The following PARD3 variants were observed in gnomAD, a reference collection of about 807,000 sequenced individuals.
The protein encoded by PARD3 is par-3 family cell polarity regulator.
A neutral mutation model predicts 155.4 loss-of-function variants in PARD3; 75 were observed. That is an observed-to-expected ratio of 0.48 (90% CI 0.40 to 0.58). PARD3 has a LOEUF of 0.58. PARD3 is among the 20% of genes least tolerant of loss of function. The pLI is 0.00. For missense variants in PARD3, 1,642 were observed against 1,721.7 expected (o/e 0.95, Z 0.82); for synonymous variants, 576 against 610.5 (o/e 0.94, Z 0.83).
intron 15 of PARD3, chr10:34,345,248 C>T: frequency 1.0e-6 from 1 of 985,320 alleles, no homozygotes; most frequent in Non-Finnish European, 1.2e-6. Flanking sequence ...CCTTTCAACT[C>T]TAAAGGCTCT....
chr10:34,664,666 A>C (rs899884611), intron 2 of PARD3, among the ~76,000 whole-genome samples: 2 of 151,966 alleles, frequency 1.3e-5, no homozygotes, highest in Admixed American at 6.6e-5. Flanking sequence ...TTGTATTTTT[A>C]GTAGAGACAG....
intron 3 of PARD3, among the ~76,000 whole-genome samples, chr10:34,493,800 A>G (rs1243017773): frequency 6.6e-6 from 1 of 152,168 alleles, no homozygotes; most frequent in Non-Finnish European, 1.5e-5. Context: ...ATATTAAAAC[A>G]AAGATAATAC....
intron 22 of PARD3, among the ~76,000 whole-genome samples, chr10:34,159,147 T>C (rs921055656): frequency 2.6e-5 from 4 of 152,240 alleles, no homozygotes; most frequent in African/African-American, 9.6e-5. Context: ...CAGTTGCATA[T>C]TCTTTTAACT....
intron 24 of PARD3, among the ~76,000 whole-genome samples, chr10:34,119,317 C>A (rs1189371870): frequency 6.6e-6 from 1 of 152,164 alleles, no homozygotes; most frequent in African/African-American, 2.4e-5. Flanking sequence ...CTGTCTTGTC[C>A]ACACAGGAAG....
At chr10:34,265,261 G>A (rs1258941553) in intron 22 of PARD3, among the ~76,000 whole-genome samples, 1 of 152,188 alleles carries the variant, frequency 6.6e-6, no homozygotes, top group Non-Finnish European at 1.5e-5. Context: ...GACATGGCAT[G>A]ATGCTATCTT....
At position 34,776,244 on chromosome 10, in the gene PARD3, C is replaced by A. The variant is rs139647023; in HGVS notation, c.120+38632G>T. On this transcript the variant is annotated intron_variant, in intron 1 of 24. Coordinates refer to ENST00000374788, the MANE Select transcript of PARD3 (RefSeq NM_001184785.2). ...ACAAGAAGACAAGGGAACAATAAAC[C>A]CAGCAGGACACCATCTCTAAGCTCT... Among the ~76,000 whole-genome samples the A allele has an allele frequency of 2.9e-3, 447 of 152,216 alleles. 1 individual carries two copies. Among genetic ancestry groups the A allele is most frequent in the African/African-American group, 0.01 (425 of 41,542 alleles).
intron 1 of PARD3, among the ~76,000 whole-genome samples, chr10:34,726,956 G>A (rs953087860): frequency 4.6e-5 from 7 of 152,108 alleles, no homozygotes; most frequent in African/African-American, 1.2e-4. Context: ...TCCAGTCTTT[G>A]CTTTGCCAAT....
intron 9 of PARD3, 46 bp from the exon 10 acceptor site, chr10:34,378,152 G>C: frequency 7.0e-7 from 1 of 1,438,616 alleles, no homozygotes; most frequent in East Asian, 2.6e-5. Flanking sequence ...GAGATATCTT[G>C]AATTTTACAG....
intron 22 of PARD3, among the ~76,000 whole-genome samples, chr10:34,198,516 C>T (rs1217935444): frequency 1.1e-4 from 17 of 150,742 alleles, no homozygotes; most frequent in Admixed American, 4.6e-4. Context: ...GAAGAGATAA[C>T]TGGAAGGATG....
At chr10:34,390,097 T>G (rs1251231219) in intron 7 of PARD3, among the ~76,000 whole-genome samples, 1 of 152,102 alleles carries the variant, frequency 6.6e-6, no homozygotes, top group African/African-American at 2.4e-5. Context: ...GCAAATAAAG[T>G]TAAATTGCGT....
intron 2 of PARD3, among the ~76,000 whole-genome samples, chr10:34,519,850 CA>C (rs2082024754): frequency 1.3e-5 from 2 of 151,012 alleles, no homozygotes; most frequent in African/African-American, 2.4e-5. Flanking sequence ...CATAACATAA[CA>C]TAACATAACA....
intron 19 of PARD3, among the ~76,000 whole-genome samples, chr10:34,320,352 T>G (rs1958297610): frequency 6.6e-6 from 1 of 152,230 alleles, no homozygotes; most frequent in Non-Finnish European, 1.5e-5. Context: ...TTATTGTTAG[T>G]GCTGTATGCA....
At chr10:34,579,143 G>A (rs1053466218) in intron 2 of PARD3, among the ~76,000 whole-genome samples, 1 of 151,940 alleles carries the variant, frequency 6.6e-6, no homozygotes, top group Non-Finnish European at 1.5e-5. Flanking sequence ...GGTGGCGTGC[G>A]CCTGTAATCC....
intron 2 of PARD3, chr10:34,676,084 C>G (rs2093700164): frequency 6.6e-6 from 1 of 152,648 alleles, no homozygotes. Flanking sequence ...ATCTTGAACG[C>G]ACCCAAGCCT....
At chr10:34,534,108 A>C (rs2083052169) in intron 2 of PARD3, among the ~76,000 whole-genome samples, 2 of 151,910 alleles carry the variant, frequency 1.3e-5, no homozygotes, top group African/African-American at 4.8e-5. Flanking sequence ...AAGACCCAGA[A>C]GGAAAAAATT....
At chr10:34,495,350 A>T (rs1162053231) in intron 3 of PARD3, among the ~76,000 whole-genome samples, 1 of 152,142 alleles carries the variant, frequency 6.6e-6, no homozygotes. Flanking sequence ...TTCTGTAAGA[A>T]GTTCATCAGA....
chr10:34,626,170 T>C lies in PARD3; in HGVS notation c.222+70148A>G, dbSNP rs192500458. Among the ~76,000 whole-genome samples, 8 of 152,268 alleles carry C rather than the reference T, an allele frequency of 5.3e-5. No homozygotes were observed. In the East Asian group the frequency reaches 1.4e-3, roughly 26 times the overall value. The stretch of plus-strand genomic sequence containing the variant: ...AAAGGAGGACCTGTAAACATTGGAA[T>C]TACATTCAATGCAGCAAGATGCTGA... On this transcript the variant is annotated intron_variant, in intron 2 of 24. Transcript: ENST00000374788.
chr10:34,576,309 C>T (rs1348950516), intron 2 of PARD3, among the ~76,000 whole-genome samples: 1 of 152,220 alleles, frequency 6.6e-6, no homozygotes, highest in East Asian at 1.9e-4. Context: ...GCCATCCCGA[C>T]CTTCCAGAGG....
chr10:34,636,051 GAAGA>G (rs1590338056), intron 2 of PARD3, among the ~76,000 whole-genome samples: 2 of 151,718 alleles, frequency 1.3e-5, no homozygotes, highest in African/African-American at 4.8e-5. Flanking sequence ...AAGAAAGAAA[GAAGA>G]AAGGAAGGAA....
Sources: gnomAD v4.1 joint callset for allele counts (sites outside exome capture counted in the v4.1 genomes callset) on GRCh38, gnomAD v4.1.1 for gene constraint, MANE v1.5 for transcripts, NCBI Gene and HGNC (gene_info 2026-07-23, HGNC 2026-07-21) for gene names.